Variants in C6 observed in about 807,000 individuals in gnomAD.
C6 encodes the protein complement component C6.
Under a neutral mutation model 112.9 loss-of-function variants are expected in C6, and 101 were observed. The ratio of observed to expected loss-of-function variants is 0.89; its 90% CI spans 0.76 to 1.06. The LOEUF is 1.06. Ranked by LOEUF, C6 falls within the 50% of genes least tolerant of loss-of-function variation. The pLI, the probability that C6 is intolerant of heterozygous loss-of-function variation, is 0.00. For synonymous variants in C6, 431 were observed against 384.1 expected (o/e 1.12, Z -1.43); for missense variants, 1,202 against 1,104.6 (o/e 1.09, Z -1.25).
chr5:41,222,596 T>G (rs1000502288), intron 1 of C6, among the ~76,000 whole-genome samples: 1 of 152,144 alleles, frequency 6.6e-6, no homozygotes, highest in Non-Finnish European at 1.5e-5. Flanking sequence ...AAGAGTTAAT[T>G]TAAACAATTG....
chr5:41,153,790 A>G lies in C6; in HGVS notation c.2290+20T>C. 6.3e-7 allele frequency: 1 copy of G among 1,597,226 alleles called. No individual in the cohort carries two copies. The highest frequency in any genetic ancestry group is 2.2e-5 in the East Asian group (1 of 44,718). On this transcript the variant is annotated intron_variant, in intron 15 of 17. Transcript: ENST00000337836. ...GGTGCACCACCTTATCAGACCCCAG[A>G]ACACTGAGCTGCTACTCACCTTTTT...
rs776332346 is a variant in C6, at chr5:41,149,308, A to C, written c.2556T>G (p.Leu852=). The change falls in exon 17 of 18, where the codon CTT becomes CTG. Residue 852 remains leucine, a synonymous_variant. Transcript: ENST00000337836. ...ATTCTTTCTTTGTGCTGTTGGATGA[A>C]AGTCTTGTCCTTTCAAGACCCCATT... ...QLEWGLERTR[L]SSNSTKKESC... The C allele has an allele frequency of 1.2e-6, 2 of 1,614,058 alleles. No individual in the cohort carries two copies. Among genetic ancestry groups the C allele is most frequent in the East Asian group, 4.5e-5 (2 of 44,872 alleles).
intron 1 of C6, chr5:41,261,170 A>C (rs1036457591): frequency 1.0e-6 from 1 of 984,788 alleles, no homozygotes; most frequent in African/African-American, 1.7e-5. Flanking sequence ...TTAAAAAAAA[A>C]GAAGAAAAAA....
At chr5:41,258,507 TCAGATCTTGGAACC>T (rs1720685178) in intron 1 of C6, among the ~76,000 whole-genome samples, 1 of 152,210 alleles carries the variant, frequency 6.6e-6, no homozygotes, top group Non-Finnish European at 1.5e-5. Context: ...TTTCTAAATG[TCAGATCTTGGAACC>T]CAGTCATTTA....
intron 9 of C6, among the ~76,000 whole-genome samples, chr5:41,169,925 T>C (rs1748286771): frequency 6.6e-6 from 1 of 152,198 alleles, no homozygotes; most frequent in African/African-American, 2.4e-5. Context: ...TTTGAACATC[T>C]GAATTATTCC....
chr5:41,187,689 G>GACACAC (rs1456667940), intron 5 of C6, among the ~76,000 whole-genome samples: 1 of 62,322 alleles, frequency 1.6e-5, no homozygotes, highest in Admixed American at 2.1e-4. Context: ...AAAGTACACA[G>GACACAC]ACACACACAT....
chr5:41,150,825 T>A (rs1746318878), intron 15 of C6, among the ~76,000 whole-genome samples: 1 of 151,194 alleles, frequency 6.6e-6, no homozygotes, highest in Non-Finnish European at 1.5e-5. Context: ...AGGCAGAGGT[T>A]GCAGTGAGCC....
At chr5:41,256,620 A>G (rs985700798) in intron 1 of C6, among the ~76,000 whole-genome samples, 1 of 152,062 alleles carries the variant, frequency 6.6e-6, no homozygotes, top group Non-Finnish European at 1.5e-5. Flanking sequence ...GGGTTTCTCA[A>G]TGTTGGATAT....
At chr5:41,233,884 GT>G (rs1740063811) in intron 1 of C6, among the ~76,000 whole-genome samples, 1 of 151,962 alleles carries the variant, frequency 6.6e-6, no homozygotes, top group African/African-American at 2.4e-5. Flanking sequence ...TTTTATAAAA[GT>G]TTTTATTATT....
At chr5:41,218,926 A>G (rs1738995420) in intron 1 of C6, among the ~76,000 whole-genome samples, 1 of 152,196 alleles carries the variant, frequency 6.6e-6, no homozygotes, top group South Asian at 2.1e-4. Context: ...TGTGTTTCAT[A>G]AGGCCCACCT....
chr5:41,220,888 A>G (rs10058883), intron 1 of C6, among the ~76,000 whole-genome samples: 15,894 of 151,974 alleles, frequency 0.1, 943 homozygotes, highest in Admixed American at 0.19. Flanking sequence ...CCCAATGTCT[A>G]TTGCTCTCAT....
At chr5:41,175,079 T>A (rs1748725761) in intron 8 of C6, among the ~76,000 whole-genome samples, 3 of 152,214 alleles carry the variant, frequency 2.0e-5, no homozygotes, top group Admixed American at 1.3e-4. Context: ...GTGCAGCTAC[T>A]CATATACCCT....
chr5:41,250,984 G>A (rs945622822), intron 1 of C6, among the ~76,000 whole-genome samples: 11 of 152,014 alleles, frequency 7.2e-5, no homozygotes, highest in African/African-American at 2.4e-4. Context: ...TTTGTCAATC[G>A]TTTGATCAGA....
At chr5:41,225,069 A>T (rs527703003) in intron 1 of C6, among the ~76,000 whole-genome samples, 50 of 152,166 alleles carry the variant, frequency 3.3e-4, no homozygotes, top group African/African-American at 1.2e-3. Context: ...TCCTTTAGCC[A>T]TTTTTTAAAT....
chr5:41,258,741 C>T (rs1467688907), intron 1 of C6, among the ~76,000 whole-genome samples: 1 of 152,164 alleles, frequency 6.6e-6, no homozygotes, highest in African/African-American at 2.4e-5. Flanking sequence ...CACAGTATCA[C>T]ATAGCTGGGG....
chr5:41,159,334 C>T (rs1277587850), intron 11 of C6, 81 bp from the exon 12 acceptor site: 1 of 1,540,734 alleles, frequency 6.5e-7, no homozygotes, highest in African/African-American at 1.4e-5. Context: ...CTGGTTTCCT[C>T]ACTTTTTAGC....
At chr5:41,191,942 G>A (rs1252964857) in intron 5 of C6, among the ~76,000 whole-genome samples, 1 of 152,094 alleles carries the variant, frequency 6.6e-6, no homozygotes, top group Admixed American at 6.5e-5. Context: ...ACAGGACTAT[G>A]CTGAATAACA....
chr5:41,164,666 G>T (rs1747828228), intron 9 of C6, among the ~76,000 whole-genome samples: 1 of 152,156 alleles, frequency 6.6e-6, no homozygotes, highest in Admixed American at 6.5e-5. Flanking sequence ...TGAAAAGCCA[G>T]CTTGGAGCCT....
At chr5:41,203,307 AAGTCATCCTG>A in intron 1 of C6, 57 bp from the exon 2 acceptor site, 2 of 1,547,374 alleles carry the variant, frequency 1.3e-6, no homozygotes, top group Non-Finnish European at 1.8e-6. Flanking sequence ...AAACCTTCAC[AAGTCATCCTG>A]AGTCAGAGAT....
Sources: gnomAD v4.1 joint callset for allele counts (sites outside exome capture counted in the v4.1 genomes callset) on GRCh38, gnomAD v4.1.1 for gene constraint, MANE v1.5 for transcripts, NCBI Gene and HGNC (gene_info 2026-07-23, HGNC 2026-07-21) for gene names.